The following ATG16L1 variants were observed in gnomAD, a reference collection of about 807,000 sequenced individuals.
The protein encoded by ATG16L1 is autophagy-related protein 16-1.
ATG16L1 carries 37 observed loss-of-function variants against 88.5 expected under a neutral mutation model. The observed-to-expected ratio is 0.42, with a 90% CI of 0.32 to 0.55. The LOEUF (loss-of-function observed/expected upper bound fraction) is 0.55, where lower values mean the gene tolerates loss of function less well. Among genes scored for constraint, ATG16L1 ranks in the 20% least tolerant of loss-of-function variants. The pLI is 0.13. For synonymous variants in ATG16L1, 301 were observed against 281.0 expected (o/e 1.07, Z -0.71); for missense variants, 554 against 752.8 (o/e 0.74, Z 3.09).
At chr2:233,272,722 C>G (rs1698077891) in intron 6 of ATG16L1, among the ~76,000 whole-genome samples, 1 of 152,216 alleles carries the variant, frequency 6.6e-6, no homozygotes, top group African/African-American at 2.4e-5. Context: ...CTAAAAGGAT[C>G]AAAAGCTCAC....
intron 3 of ATG16L1, 64 bp downstream of exon 3, chr2:233,263,299 G>A: frequency 1.4e-6 from 2 of 1,454,754 alleles, no homozygotes; most frequent in Non-Finnish European, 1.9e-6. Flanking sequence ...GGGAGCGGGG[G>A]AGCTCAGTCA....
intron 12 of ATG16L1, among the ~76,000 whole-genome samples, chr2:233,286,735 C>G (rs1699114655): frequency 6.6e-6 from 1 of 150,468 alleles, no homozygotes; most frequent in Admixed American, 6.7e-5. Context: ...ACACCATTCT[C>G]CTGCCTCAGC....
chr2:233,257,657 A>G (rs932606724), intron 2 of ATG16L1, among the ~76,000 whole-genome samples: 1 of 152,228 alleles, frequency 6.6e-6, no homozygotes, highest in African/African-American at 2.4e-5. Flanking sequence ...AGATTGTGAA[A>G]TCAAATTAGC....
intron 6 of ATG16L1, among the ~76,000 whole-genome samples, chr2:233,271,746 T>C (rs1698010550): frequency 6.6e-6 from 1 of 152,226 alleles, no homozygotes; most frequent in Non-Finnish European, 1.5e-5. Flanking sequence ...CAACAGGACA[T>C]TGTCAAAGGC....
Position 233,285,512 on chromosome 2 carries a change from T to C in ATG16L1, c.1203+2759T>C, listed in dbSNP as rs1041468317. ...TGGAGCAGGGCGCAGGCTGCTGGGC[T>C]GCTGCTTCTGATGATGCCGTGCTGG... On this transcript the variant is annotated intron_variant, in intron 12 of 17. Transcript: ENST00000392017. Among the ~76,000 whole-genome samples, 4 of 152,238 alleles carry C rather than the reference T, an allele frequency of 2.6e-5. 1 individual carries two copies. Among genetic ancestry groups the C allele is most frequent in the South Asian group, 4.1e-4 (2 of 4,838 alleles).
chr2:233,251,681 C>G lies in ATG16L1; in HGVS notation c.-147C>G, dbSNP rs1696374002. On this transcript the variant is annotated 5_prime_UTR_variant, in exon 1 of 18. Coordinates refer to ENST00000392017, the MANE Select transcript of ATG16L1 (RefSeq NM_030803.7). ...TTCCGGCATGAGCCGGAAGACCGTC[C>G]CGGATGGCCTCGGGGACTGCCAGTG... is the stretch of plus-strand genomic sequence containing the variant. 1.5e-6 allele frequency: 1 copy of G among 683,428 alleles called. No homozygotes were observed. The highest frequency in any genetic ancestry group is 1.8e-5 in the African/African-American group (1 of 54,246). 42.3% of individuals were successfully genotyped at this position (683,428 alleles called of 1,614,324 possible). A position where few individuals can be genotyped will look rare whatever the true frequency, so the allele number is the denominator to read the frequency against.
chr2:233,275,511 G>T (rs1041125969), intron 9 of ATG16L1: 2 of 347,790 alleles, frequency 5.8e-6, no homozygotes, highest in African/African-American at 4.3e-5. Flanking sequence ...AGATTTTGCC[G>T]TAAAAATGGG....
chr2:233,261,013 T>C (rs1160833138), intron 2 of ATG16L1, among the ~76,000 whole-genome samples: 1 of 152,240 alleles, frequency 6.6e-6, no homozygotes, highest in African/African-American at 2.4e-5. Context: ...TGGAGGGCAG[T>C]GGCGCAGTCT....
chr2:233,270,182 GC>G, intron 6 of ATG16L1, 115 bp downstream of exon 6: 1 of 906,862 alleles, frequency 1.1e-6, no homozygotes, highest in Non-Finnish European at 1.6e-6. Context: ...TTGCTCTGTT[GC>G]CCAGGCTGGA....
intron 4 of ATG16L1, among the ~76,000 whole-genome samples, chr2:233,264,281 G>A (rs1697415640): frequency 6.6e-6 from 1 of 152,170 alleles, no homozygotes; most frequent in Non-Finnish European, 1.5e-5. Context: ...ATCCTCCTAG[G>A]GATGTCACCT....
chr2:233,263,343 A>G (rs1244460269), intron 3 of ATG16L1, 108 bp downstream of exon 3: 4 of 965,374 alleles, frequency 4.1e-6, no homozygotes, highest in Non-Finnish European at 6.3e-6. Flanking sequence ...CCTTAGCCAT[A>G]TGTGGCATCA....
intron 4 of ATG16L1, among the ~76,000 whole-genome samples, chr2:233,264,512 G>T (rs888447460): frequency 6.6e-6 from 1 of 152,190 alleles, no homozygotes; most frequent in Non-Finnish European, 1.5e-5. Context: ...TGGAGCTGGG[G>T]TAGCGTGTGC....
intron 1 of ATG16L1, among the ~76,000 whole-genome samples, chr2:233,254,272 A>G (rs1696623879): frequency 6.6e-6 from 1 of 152,250 alleles, no homozygotes; most frequent in African/African-American, 2.4e-5. Flanking sequence ...CTGAGGGACC[A>G]GGACAGGAGA....
intron 12 of ATG16L1, 136 bp from the exon 13 acceptor site, chr2:233,289,718 C>G: frequency 8.6e-7 from 1 of 1,161,706 alleles, no homozygotes; most frequent in Non-Finnish European, 1.2e-6. Flanking sequence ...GCTGTCTTAT[C>G]GCTTTGAGTG....
intron 11 of ATG16L1, among the ~76,000 whole-genome samples, chr2:233,281,756 G>C (rs1698731914): frequency 6.6e-6 from 1 of 152,194 alleles, no homozygotes; most frequent in Non-Finnish European, 1.5e-5. Context: ...TGATGACTGG[G>C]TGAGGCCAAG....
chr2:233,265,684 G>A (rs1697517447), intron 5 of ATG16L1, among the ~76,000 whole-genome samples: 1 of 152,110 alleles, frequency 6.6e-6, no homozygotes, highest in Non-Finnish European at 1.5e-5. Flanking sequence ...TGGCCAGGCT[G>A]ATCTCAAACT....
chr2:233,278,821 T>A (rs1698544352), intron 10 of ATG16L1, among the ~76,000 whole-genome samples: 1 of 152,184 alleles, frequency 6.6e-6, no homozygotes. Flanking sequence ...TAGAGCCCAT[T>A]GAAGCATACT....
At position 233,294,503 on chromosome 2, in the gene ATG16L1, G is replaced by T; in HGVS notation, c.*153G>T. 1 of 531,750 alleles carries T rather than the reference G, an allele frequency of 1.9e-6. No homozygotes were observed. Among genetic ancestry groups the T allele is most frequent in the South Asian group, 2.6e-5 (1 of 38,334 alleles). 32.9% of individuals were successfully genotyped at this position (531,750 alleles called of 1,614,324 possible). A position where few individuals can be genotyped will look rare whatever the true frequency, so the allele number is the denominator to read the frequency against. ...GGCACTGTAGCTTTGCCGTGAATGG[G>T]ATTTCTGAAGATTTGACTGAGGTCT... On this transcript the variant is annotated 3_prime_UTR_variant, in exon 18 of 18. Transcript: ENST00000392017.
chr2:233,286,959 C>T lies in ATG16L1; in HGVS notation c.1204-2895C>T, dbSNP rs541008927. 6.8e-4 allele frequency among the ~76,000 whole-genome samples: 103 copies of T among 152,076 alleles called. 1 individual carries two copies. The highest frequency in any genetic ancestry group is 3.4e-3 in the Middle Eastern group (1 of 294). On this transcript the variant is annotated intron_variant, in intron 12 of 17. Transcript: ENST00000392017. ...CATTGTAAAGAGCAAGGTGACAATACGTACGAGGAGCCAAGAAACAAAACG... is the reference window on the plus strand; with the variant it reads ...CATTGTAAAGAGCAAGGTGACAATATGTACGAGGAGCCAAGAAACAAAACG...
Sources: gnomAD v4.1 joint callset for allele counts (sites outside exome capture counted in the v4.1 genomes callset) on GRCh38, gnomAD v4.1.1 for gene constraint, MANE v1.5 for transcripts, NCBI Gene and HGNC (gene_info 2026-07-23, HGNC 2026-07-21) for gene names.